Variants in TSNARE1 observed in about 807,000 individuals in gnomAD.
The protein encoded by TSNARE1 is t-SNARE domain containing 1.
Under a neutral mutation model 62.0 loss-of-function variants are expected in TSNARE1, and 49 were observed. That is an observed-to-expected ratio of 0.79 (90% CI 0.63 to 1.00). TSNARE1 has a LOEUF of 1.00. TSNARE1 is among the 50% of genes least tolerant of loss of function. The pLI is 0.00. For synonymous variants in TSNARE1, 328 were observed against 294.4 expected, an observed-to-expected ratio of 1.11 and a Z score of -1.17; for missense variants, 755 against 700.1, an observed-to-expected ratio of 1.08 and a Z score of -0.88.
chr8:142,319,036 G>A lies in TSNARE1; in HGVS notation c.894-402C>T, dbSNP rs537837611. On this transcript the variant is annotated intron_variant, in intron 6 of 13. Coordinates refer to ENST00000524325, the MANE Select transcript of TSNARE1 (RefSeq NM_145003.5). This position sits in a 1 kb window ranked among gnomAD's most constrained non-coding sequence, Gnocchi z 4.9. ...GGGCAGACACACAGCAAGAGGCAGT[G>A]GGGGCAGAAAGGCAGGCAGAGAGAG... Among the ~76,000 whole-genome samples the A allele has an allele frequency of 6.6e-6, 1 of 151,956 alleles. No individual in the cohort carries two copies. Among genetic ancestry groups the A allele is most frequent in the South Asian group, 2.1e-4 (1 of 4,812 alleles).
chr8:142,400,523 A>AAGGCCG (rs1838209405), intron 1 of TSNARE1, among the ~76,000 whole-genome samples: 1 of 151,664 alleles, frequency 6.6e-6, no homozygotes, highest in African/African-American at 2.4e-5. Flanking sequence ...GGTGGATCAC[A>AAGGCCG]AGGTCAAGAA....
At chr8:142,299,777 C>G (rs1005794387) in intron 10 of TSNARE1, among the ~76,000 whole-genome samples, 1 of 152,276 alleles carries the variant, frequency 6.6e-6, no homozygotes, top group Non-Finnish European at 1.5e-5. Context: ...CTCACACACA[C>G]ATACATACAC....
At chr8:142,268,245 G>T (rs953696354) in intron 12 of TSNARE1, among the ~76,000 whole-genome samples, 2 of 152,244 alleles carry the variant, frequency 1.3e-5, no homozygotes, top group Non-Finnish European at 2.9e-5. Context: ...CATCTGAGCA[G>T]CTCTCAGGAA....
intron 11 of TSNARE1, among the ~76,000 whole-genome samples, chr8:142,284,168 T>C (rs1232741668): frequency 6.6e-6 from 1 of 152,078 alleles, no homozygotes; most frequent in Non-Finnish European, 1.5e-5. Context: ...GGCCAGTGTC[T>C]GTCAATGAGC....
chr8:142,401,637 T>C (rs555315734), intron 1 of TSNARE1, among the ~76,000 whole-genome samples: 46 of 152,124 alleles, frequency 3.0e-4, no homozygotes, highest in Non-Finnish European at 5.1e-4. Flanking sequence ...CCAGGGAAGG[T>C]TCCTGGATAG....
chr8:142,400,740 C>A (rs933993673), intron 1 of TSNARE1, among the ~76,000 whole-genome samples: 1 of 152,220 alleles, frequency 6.6e-6, no homozygotes, highest in Non-Finnish European at 1.5e-5. Context: ...GGATAAAACG[C>A]CCAACAACCT....
At position 142,222,142 on chromosome 8, in the gene TSNARE1, TCAC is replaced by T. The variant is rs1816310631; in HGVS notation, c.*11+7328_*11+7330del. Among the ~76,000 whole-genome samples, 13 of 140,732 alleles carry T rather than the reference TCAC, an allele frequency of 9.2e-5. 1 individual carries two copies. Among genetic ancestry groups the T allele is most frequent in the Non-Finnish European group, 1.9e-4 (12 of 64,724 alleles). The allele number at this position is 140,732 out of a possible 152,430, so 92.3% of individuals were successfully genotyped here. On this transcript the variant is annotated intron_variant, in intron 13 of 13. Coordinates refer to ENST00000524325, the MANE Select transcript of TSNARE1 (RefSeq NM_145003.5). The stretch of plus-strand genomic sequence containing the variant: ...CTCATTCACTCACTCATCCACTCAT[TCAC>T]TCACTCACTCATCCACTCATCCACT...
intron 12 of TSNARE1, among the ~76,000 whole-genome samples, chr8:142,247,186 C>T (rs1817921607): frequency 6.6e-6 from 1 of 152,156 alleles, no homozygotes; most frequent in African/African-American, 2.4e-5. Context: ...CCTATAGATC[C>T]ACCAGCCCTG....
intron 1 of TSNARE1, among the ~76,000 whole-genome samples, chr8:142,371,395 GA>G (rs1313902985): frequency 6.6e-6 from 1 of 152,222 alleles, no homozygotes; most frequent in East Asian, 1.9e-4. Context: ...GGGGGCAGGA[GA>G]AAACATCCTG....
intron 1 of TSNARE1, among the ~76,000 whole-genome samples, chr8:142,365,489 T>C (rs970676450): frequency 2.0e-5 from 3 of 152,208 alleles, no homozygotes; most frequent in Non-Finnish European, 4.4e-5. Context: ...TGTCCTGATC[T>C]TGATCACTGT....
At chr8:142,284,351 C>A in intron 11 of TSNARE1, 62 bp downstream of exon 11, 2 of 1,386,264 alleles carry the variant, frequency 1.4e-6, no homozygotes, top group Non-Finnish European at 2.0e-6. Context: ...GGGGTGAGGG[C>A]TGGGGGCTGG....
At chr8:142,305,175 G>C (rs1359617369) in intron 9 of TSNARE1, among the ~76,000 whole-genome samples, 4 of 152,190 alleles carry the variant, frequency 2.6e-5, no homozygotes, top group African/African-American at 9.6e-5. Context: ...GGCACCACAG[G>C]ACGTTCTGTG....
At chr8:142,378,026 G>A (rs560523167) in intron 1 of TSNARE1, among the ~76,000 whole-genome samples, 31 of 152,268 alleles carry the variant, frequency 2.0e-4, no homozygotes, top group African/African-American at 7.0e-4. Flanking sequence ...TGAACTATGC[G>A]GTCCTTTCTG....
chr8:142,390,239 T>C (rs1166404979), intron 1 of TSNARE1, among the ~76,000 whole-genome samples: 16 of 151,462 alleles, frequency 1.1e-4, no homozygotes, highest in African/African-American at 2.9e-4. Context: ...TTGGGGGACT[T>C]TATAACAGAC....
At position 142,284,472 on chromosome 8, in the gene TSNARE1, T is replaced by A. The variant is rs1452297531; in HGVS notation, c.1304A>T (p.Asp435Val). Residue 435 changes from aspartate to valine, a missense_variant, in exon 11 of 14, where the codon GAT (aspartate) becomes GTT (valine). By Grantham distance (152) the Asp-to-Val change is radical. Coordinates refer to ENST00000524325, the MANE Select transcript of TSNARE1 (RefSeq NM_145003.5). ...CAAGTCCTTGATGATCTGATTCACA[T>A]CCAGCAAGTTGCTCTGTGGAAACAA... is the stretch of plus-strand genomic sequence containing the variant. ...AILQMESNLLDVNQIIKDLAS... is the reference protein window; with the variant it reads ...AILQMESNLLVVNQIIKDLAS... 2 of 1,613,534 alleles carry A rather than the reference T, an allele frequency of 1.2e-6. No individual in the cohort carries two copies. Among genetic ancestry groups the A allele is most frequent in the Non-Finnish European group, 1.7e-6 (2 of 1,179,932 alleles).
intron 1 of TSNARE1, among the ~76,000 whole-genome samples, chr8:142,370,430 A>G (rs1486297533): frequency 2.6e-5 from 4 of 152,046 alleles, no homozygotes; most frequent in Admixed American, 2.0e-4. Context: ...AAATTTAAAC[A>G]TTCGTTGGGC....
intron 1 of TSNARE1, among the ~76,000 whole-genome samples, chr8:142,382,003 C>G (rs1446132438): frequency 1.3e-5 from 2 of 152,076 alleles, no homozygotes; most frequent in African/African-American, 4.8e-5. Context: ...GTACCTGACA[C>G]CCCCCCTACA....
At chr8:142,318,482 C>A in intron 7 of TSNARE1, 62 bp downstream of exon 7, 1 of 1,510,370 alleles carries the variant, frequency 6.6e-7, no homozygotes, top group Non-Finnish European at 9.1e-7. Context: ...ATCCCTGCTC[C>A]CATCACAGGC....
At chr8:142,320,790 G>C (rs1161435525) in intron 6 of TSNARE1, among the ~76,000 whole-genome samples, 1 of 152,242 alleles carries the variant, frequency 6.6e-6, no homozygotes, top group Non-Finnish European at 1.5e-5. Context: ...GGGTCAGGCA[G>C]GTCACGACTC....
Sources: gnomAD v4.1 joint callset for allele counts (sites outside exome capture counted in the v4.1 genomes callset) on GRCh38, gnomAD v4.1.1 for gene constraint, Gnocchi (gnomAD v3.1) non-coding constraint, MANE v1.5 for transcripts, NCBI Gene and HGNC (gene_info 2026-07-23, HGNC 2026-07-21) for gene names.